The following RBFOX1 variants were observed in gnomAD, a reference collection of about 807,000 sequenced individuals.
The protein encoded by RBFOX1 is RNA binding protein fox-1 homolog 1.
RBFOX1 carries 8 observed loss-of-function variants against 57.7 expected under a neutral mutation model. That is an observed-to-expected ratio of 0.14 (90% CI 0.08 to 0.25). The LOEUF is 0.25. Among genes scored for constraint, RBFOX1 ranks in the 10% least tolerant of loss-of-function variants. The pLI is 1.00. For synonymous variants in RBFOX1, 326 were observed against 222.4 expected, an observed-to-expected ratio of 1.47 and a Z score of -4.15; for missense variants, 611 against 548.5, an observed-to-expected ratio of 1.11 and a Z score of -1.14.
chr16:6,193,414 A>ATATATAC (rs2097159453), intron 1 of RBFOX1, among the ~76,000 whole-genome samples: 1 of 118,274 alleles, frequency 8.5e-6, no homozygotes, highest in Non-Finnish European at 1.8e-5. Flanking sequence ...ATATATATAT[A>ATATATAC]TATATATATA....
intron 3 of RBFOX1, among the ~76,000 whole-genome samples, chr16:5,618,377 AC>A (rs2048107846): frequency 1.3e-5 from 2 of 151,538 alleles, no homozygotes; most frequent in Non-Finnish European, 2.9e-5. Context: ...TCGCTCTGTC[AC>A]CCAGGCTGCA....
chr16:6,324,684 G>A (rs892979591), intron 2 of RBFOX1, among the ~76,000 whole-genome samples: 9 of 152,192 alleles, frequency 5.9e-5, no homozygotes, highest in East Asian at 5.8e-4. Flanking sequence ...CACTTCTGAC[G>A]TTGAGGATTA....
intron 4 of RBFOX1, among the ~76,000 whole-genome samples, chr16:7,454,100 G>A (rs558164362): frequency 1.3e-5 from 2 of 152,288 alleles, no homozygotes; most frequent in Admixed American, 1.3e-4. Context: ...GAGTGTGGTG[G>A]CCCATGCCTG....
intron 3 of RBFOX1, among the ~76,000 whole-genome samples, chr16:6,861,493 C>CT (rs532449061): frequency 1.5e-4 from 22 of 151,428 alleles, no homozygotes; most frequent in East Asian, 8.0e-4. Flanking sequence ...CCCCTCCCCC[C>CT]CCGACTCAAT....
Position 6,801,352 on chromosome 16 carries a change from C to CT in RBFOX1, c.-16+146704dup, listed in dbSNP as rs2085397272. ...TACAAGGCTCTTGGTAATGGTCAGG[C>CT]TTATGTATTTAAGGTGTAATTGCAT... On this transcript the variant is annotated intron_variant, in intron 3 of 15. Coordinates refer to ENST00000550418, the MANE Select transcript of RBFOX1 (RefSeq NM_018723.4). Among the ~76,000 whole-genome samples, 2 of 152,228 alleles carry CT rather than the reference C, an allele frequency of 1.3e-5. 1 individual carries two copies. The highest frequency in any genetic ancestry group is 4.1e-4 in the South Asian group (2 of 4,824).
In RBFOX1 at chr16:6,443,678, A is replaced by G. The variant is rs149933450; in HGVS notation, c.-64+126621A>G. Among the ~76,000 whole-genome samples the G allele has an allele frequency of 1.3e-3, 196 of 152,308 alleles. 2 individuals are homozygous for G. In the East Asian group the frequency reaches 0.031, roughly 24 times the overall value. On this transcript the variant is annotated intron_variant, in intron 2 of 15. Coordinates refer to ENST00000550418, the MANE Select transcript of RBFOX1 (RefSeq NM_018723.4). Reference sequence around the variant, plus strand: ...TTAATCAGTGATTTATAAAACTGAAATGATAGAGAAAAATGCTCTTTCATT... The same window carrying G: ...TTAATCAGTGATTTATAAAACTGAAGTGATAGAGAAAAATGCTCTTTCATT...
rs149887508 is a variant in RBFOX1 at position 5,998,388 on chromosome 16, A to G, written c.351+131053A>G. On this transcript the variant is annotated intron_variant, in intron 4 of 19. Transcript: ENST00000641259. ...CTATAACAAAAGAAATAGAGTGAGG[A>G]ATTATCAAAAAATAATCAGTAGTTT... Among the ~76,000 whole-genome samples, 465 of 152,358 alleles carry G rather than the reference A, an allele frequency of 3.1e-3. 3 individuals are homozygous for G. The highest frequency in any genetic ancestry group is 0.011 in the African/African-American group (452 of 41,578).
At position 7,697,401 on chromosome 16, in the gene RBFOX1, C is replaced by T. The variant is rs142777347; in HGVS notation, c.996-11655C>T. Among the ~76,000 whole-genome samples the T allele has an allele frequency of 9.1e-4, 138 of 152,200 alleles. 5 individuals are homozygous for T. In the East Asian group the frequency reaches 0.021, roughly 24 times the overall value. ...GCTTTAATCCCTGAGGAAAGCAAACCCTTTATCCCTGTAGTAATTGTCCCT... is the reference window on the plus strand; with the variant it reads ...GCTTTAATCCCTGAGGAAAGCAAACTCTTTATCCCTGTAGTAATTGTCCCT... On this transcript the variant is annotated intron_variant, in intron 14 of 15. Transcript: ENST00000550418.
chr16:5,713,870 G>GT (rs2051585080), intron 3 of RBFOX1, among the ~76,000 whole-genome samples: 2 of 152,316 alleles, frequency 1.3e-5, no homozygotes, highest in African/African-American at 4.8e-5. Context: ...TGACCTTCTT[G>GT]TTGGAAGTGA....
intron 4 of RBFOX1, among the ~76,000 whole-genome samples, chr16:7,354,160 A>C (rs2146164236): frequency 6.6e-6 from 1 of 152,036 alleles, no homozygotes; most frequent in Non-Finnish European, 1.5e-5. Context: ...TAGTAGAGAA[A>C]GGGTTTCATC....
At chr16:7,139,170 C>CTG (rs1417277525) in intron 4 of RBFOX1, among the ~76,000 whole-genome samples, 2 of 33,326 alleles carry the variant, frequency 6.0e-5, no homozygotes, top group Non-Finnish European at 8.4e-5. Flanking sequence ...TGAAATCAAT[C>CTG]TCTCTCTGTG....
chr16:6,708,630 G>T (rs892326459), intron 3 of RBFOX1, among the ~76,000 whole-genome samples: 4 of 152,166 alleles, frequency 2.6e-5, no homozygotes, highest in Non-Finnish European at 4.4e-5. Flanking sequence ...TGAGCGATTT[G>T]CTATGACAAA....
At chr16:5,495,649 G>C (rs1460847510) in intron 2 of RBFOX1, among the ~76,000 whole-genome samples, 1 of 152,186 alleles carries the variant, frequency 6.6e-6, no homozygotes, top group Non-Finnish European at 1.5e-5. Context: ...TGCTGGATTT[G>C]ACCTAGGTCT....
intron 4 of RBFOX1, among the ~76,000 whole-genome samples, chr16:7,511,234 A>G (rs1032026497): frequency 2.0e-5 from 3 of 152,198 alleles, no homozygotes; most frequent in Admixed American, 6.5e-5. Context: ...TTTACCTTCA[A>G]TTTTGAGCCA....
chr16:6,940,889 G>GTC (rs2078318640), intron 3 of RBFOX1, among the ~76,000 whole-genome samples: 6 of 147,324 alleles, frequency 4.1e-5, no homozygotes, highest in Non-Finnish European at 8.9e-5. Flanking sequence ...GTGTGTGTGT[G>GTC]TTAGAGATGG....
At chr16:6,294,862 T>A (rs571129926) in intron 1 of RBFOX1, among the ~76,000 whole-genome samples, 9 of 152,192 alleles carry the variant, frequency 5.9e-5, no homozygotes. Context: ...TGCTGCACAT[T>A]TACACCGTTC....
intron 3 of RBFOX1, among the ~76,000 whole-genome samples, chr16:6,937,739 G>A (rs11077114): frequency 0.048 from 7,260 of 152,170 alleles, 560 homozygotes; most frequent in African/African-American, 0.16. Context: ...GTTAGGATAA[G>A]GGGTTGTGGA....
intron 2 of RBFOX1, among the ~76,000 whole-genome samples, chr16:6,419,581 G>C (rs1031106990): frequency 3.3e-5 from 5 of 152,118 alleles, no homozygotes; most frequent in Admixed American, 2.6e-4. Context: ...AGGTAGAGTG[G>C]GCCCCGTGCC....
intron 4 of RBFOX1, among the ~76,000 whole-genome samples, chr16:7,152,745 A>G (rs917990151): frequency 2.6e-5 from 4 of 152,218 alleles, no homozygotes; most frequent in African/African-American, 9.6e-5. Flanking sequence ...AAAATAGTTT[A>G]GAATTGTTCC....
Sources: gnomAD v4.1 joint callset for allele counts (sites outside exome capture counted in the v4.1 genomes callset) on GRCh38, gnomAD v4.1.1 for gene constraint, MANE v1.5 for transcripts, NCBI Gene and HGNC (gene_info 2026-07-23, HGNC 2026-07-21) for gene names.